TMUB2: variants seen among roughly 807,000 people sequenced by gnomAD.
TMUB2 encodes the protein transmembrane and ubiquitin like domain containing 2.
Under a neutral mutation model 20.2 loss-of-function variants are expected in TMUB2, and 19 were observed. The ratio of observed to expected loss-of-function variants is 0.94; its 90% CI spans 0.66 to 1.38. The LOEUF is 1.38. Among genes scored for constraint, TMUB2 ranks in the 40% most tolerant of loss-of-function variants. The pLI, the probability that TMUB2 is intolerant of heterozygous loss-of-function variation, is 0.00. For synonymous variants in TMUB2, 186 were observed against 166.0 expected, an observed-to-expected ratio of 1.12 and a Z score of -0.92; for missense variants, 426 against 402.5, an observed-to-expected ratio of 1.06 and a Z score of -0.50.
chr17:44,190,876 G>A lies in TMUB2; in HGVS notation c.*12G>A. 6.3e-7 allele frequency: 1 copy of A among 1,590,828 alleles called. No individual in the cohort carries two copies. The highest frequency in any genetic ancestry group is 8.6e-7 in the Non-Finnish European group (1 of 1,167,296). ...TGTATGGACGATAAGGACATAGGAA[G>A]AAAATGAAAGGCATGGTCTTTCTCC... is the stretch of plus-strand genomic sequence containing the variant. On this transcript the variant is annotated 3_prime_UTR_variant, in exon 4 of 4. Coordinates refer to ENST00000538716, the MANE Select transcript of TMUB2 (RefSeq NM_001076674.3).
intron 2 of TMUB2, 39 bp downstream of exon 2, chr17:44,187,782 G>C (rs1268153419): frequency 1.3e-5 from 9 of 718,258 alleles, no homozygotes; most frequent in Non-Finnish European, 2.3e-5. Context: ...TGATGAGAAA[G>C]CTGAGGCTCT....
At chr17:44,187,490 C>G (rs1324695121) in intron 1 of TMUB2, 186 bp from the exon 2 acceptor site, 1 of 593,864 alleles carries the variant, frequency 1.7e-6, no homozygotes, top group Admixed American at 2.8e-5. Context: ...AGGCCGGACA[C>G]CTGGGGTCCT....
Position 44,189,054 on chromosome 17 carries a change from TCTCTGATGTCACC to T in TMUB2, c.72_84del (p.Asp25LeufsTer8). On this transcript the variant is annotated frameshift_variant, in exon 3 of 4. Coordinates refer to ENST00000538716, the MANE Select transcript of TMUB2 (RefSeq NM_001076674.3). LOFTEE classifies it high-confidence loss of function. The stretch of plus-strand genomic sequence containing the variant: ...CCTGCCAGCAGCCAGGCCATGGAGC[TCTCTGATGTCACC>T]CTCATTGAGGGTGTGGGTAATGAGG... 1 of 1,613,884 alleles carries T rather than the reference TCTCTGATGTCACC, an allele frequency of 6.2e-7. No individual in the cohort carries two copies.
intron 2 of TMUB2, 105 bp from the exon 3 acceptor site, chr17:44,188,917 C>T: frequency 1.5e-6 from 2 of 1,293,372 alleles, no homozygotes; most frequent in Non-Finnish European, 1.0e-6. Context: ...CACTGAACTC[C>T]TTTTTTTTTT....
chr17:44,190,436 C>T, intron 3 of TMUB2, 65 bp from the exon 4 acceptor site: 1 of 1,518,458 alleles, frequency 6.6e-7, no homozygotes, highest in Non-Finnish European at 8.8e-7. Context: ...CTTTGTTGGT[C>T]CAGGCCTGTT....
rs1335245953 is a variant in TMUB2, at chr17:44,191,380, A to C, written c.*516A>C. On this transcript the variant is annotated 3_prime_UTR_variant, in exon 4 of 4. Transcript: ENST00000538716. ...TGCCAGCCTTCTCTTATGGGCACCTAGCCGCCTTCACCTTCTTCCTCTACC... is the reference window on the plus strand; with the variant it reads ...TGCCAGCCTTCTCTTATGGGCACCTCGCCGCCTTCACCTTCTTCCTCTACC... The C allele has an allele frequency of 2.0e-6, 2 of 987,602 alleles. No homozygotes were observed. Among genetic ancestry groups the C allele is most frequent in the Non-Finnish European group, 2.4e-6 (2 of 831,052 alleles). 61.2% of individuals were successfully genotyped at this position (987,602 alleles called of 1,614,324 possible). A position where few individuals can be genotyped will look rare whatever the true frequency, so the allele number is the denominator to read the frequency against.
rs369574186 is a variant in TMUB2, at chr17:44,190,501, C to G, written c.603C>G (p.Ser201Arg). Residue 201 changes from serine (S) to arginine (R), a missense_variant and splice_region_variant, in exon 4 of 4, where the codon AGC becomes AGG. Coordinates refer to ENST00000538716, the MANE Select transcript of TMUB2 (RefSeq NM_001076674.3). ...RPEDTVGALK[S>R]KYFPGQESQM... ...TCTTCCATGTCTTTCATCCTTACAG[C>G]AAATACTTCCCTGGACAAGAAAGCC... is the stretch of plus-strand genomic sequence containing the variant. The G allele has an allele frequency of 2.5e-6, 4 of 1,593,524 alleles. No individual in the cohort carries two copies. The highest frequency in any genetic ancestry group is 3.4e-6 in the Non-Finnish European group (4 of 1,167,914).
chr17:44,188,917 CTTT>C (rs370100314), intron 2 of TMUB2, 102 bp from the exon 3 acceptor site: 430 of 1,286,570 alleles, frequency 3.3e-4, no homozygotes, highest in South Asian at 1.5e-3. Flanking sequence ...CACTGAACTC[CTTT>C]TTTTTTTTTT....
At position 44,191,206 on chromosome 17, in the gene TMUB2, C is replaced by T; in HGVS notation, c.*342C>T. 3 of 1,072,340 alleles carry T rather than the reference C, an allele frequency of 2.8e-6. No homozygotes were observed. Among genetic ancestry groups the T allele is most frequent in the Non-Finnish European group, 3.4e-6 (3 of 883,188 alleles). The allele number at this position is 1,072,340 out of a possible 1,614,324, so 66.4% of individuals were successfully genotyped here. A position where few individuals can be genotyped will look rare whatever the true frequency, so the allele number is the denominator to read the frequency against. On this transcript the variant is annotated 3_prime_UTR_variant, in exon 4 of 4. Transcript: ENST00000538716. Reference sequence around the variant, plus strand: ...GGTTCTGACTCTTCCCAGTGTCCTGCATGTCTGCCCCCAGCACCCAGGGCT... The same window carrying T: ...GGTTCTGACTCTTCCCAGTGTCCTGTATGTCTGCCCCCAGCACCCAGGGCT...
chr17:44,191,761 C>G lies in TMUB2; in HGVS notation c.*897C>G. ...CTTTCTGTGACAGAGAATGGCTTTG[C>G]GCTGCCCCCAGGAAAATGGTAATGA... On this transcript the variant is annotated 3_prime_UTR_variant, in exon 4 of 4. Transcript: ENST00000538716. The G allele has an allele frequency of 1.0e-6, 1 of 984,752 alleles. No individual in the cohort carries two copies. Among genetic ancestry groups the G allele is most frequent in the Non-Finnish European group, 1.2e-6 (1 of 829,108 alleles). 61.0% of individuals were successfully genotyped at this position (984,752 alleles called of 1,614,324 possible).
rs1489954584 is a variant in TMUB2 at position 44,189,129 on chromosome 17, C to T, written c.143C>T (p.Ala48Val). The change falls in exon 3 of 4, where the codon GCC (alanine) becomes GTC (valine). Residue 48 changes from alanine to valine, a missense_variant. By Grantham distance (64) the Ala-to-Val change is moderately conservative (BLOSUM62 0). Coordinates refer to ENST00000538716, the MANE Select transcript of TMUB2 (RefSeq NM_001076674.3). Reference protein sequence around the residue: ...VVAGVVVLILALVLAWLSTYV... With the variant: ...VVAGVVVLILVLVLAWLSTYV... ...GCAGGTGTGGTGGTGCTGATTCTAGCCTTGGTCCTAGCTTGGCTCTCTACC... is the reference window on the plus strand; with the variant it reads ...GCAGGTGTGGTGGTGCTGATTCTAGTCTTGGTCCTAGCTTGGCTCTCTACC... 1 of 1,614,038 alleles carries T rather than the reference C, an allele frequency of 6.2e-7. No individual in the cohort carries two copies. The highest frequency in any genetic ancestry group is 8.5e-7 in the Non-Finnish European group (1 of 1,180,002).
intron 2 of TMUB2, 106 bp from the exon 3 acceptor site, chr17:44,188,913 ACTC>A: frequency 3.5e-6 from 5 of 1,437,208 alleles, no homozygotes; most frequent in Non-Finnish European, 4.5e-6. Context: ...ACAACACTGA[ACTC>A]CTTTTTTTTT....
At position 44,189,325 on chromosome 17, in the gene TMUB2, G is replaced by A. The variant is rs879249134; in HGVS notation, c.339G>A (p.Ala113=). The change falls in exon 3 of 4, where the codon GCG becomes GCA. Residue 113 remains alanine, a synonymous_variant. Coordinates refer to ENST00000538716, the MANE Select transcript of TMUB2 (RefSeq NM_001076674.3). ...SEGNDEKAEE[A]GEGRGDSTGE... The stretch of plus-strand genomic sequence containing the variant: ...GTAATGATGAGAAGGCTGAAGAGGC[G>A]GGTGAAGGTCGGGGAGACTCCACTG... 5.0e-6 allele frequency: 8 copies of A among 1,593,644 alleles called. No individual in the cohort carries two copies. The highest frequency in any genetic ancestry group is 2.7e-5 in the African/African-American group (2 of 74,698).
chr17:44,188,784 T>G, intron 2 of TMUB2: 1 of 513,524 alleles, frequency 1.9e-6, no homozygotes, highest in Non-Finnish European at 3.2e-6. Context: ...AGTTGGAGTT[T>G]GAGAGAGGAA....
Position 44,190,583 on chromosome 17 carries a change from T to C in TMUB2, c.685T>C (p.Ser229Pro). 6.2e-7 allele frequency: 1 copy of C among 1,614,204 alleles called. No homozygotes were observed. The highest frequency in any genetic ancestry group is 8.5e-7 in the Non-Finnish European group (1 of 1,180,038). ...ACAAGACCCAGCCCGCACACTGCGT[T>C]CTCTGAACATTACCGACAACTGTGT... ...LLQDPARTLR[S>P]LNITDNCVIH... Residue 229 changes from serine (S) to proline (P), a missense_variant, in exon 4 of 4, where the codon TCT becomes CCT. Physicochemically the swap from Ser to Pro is moderately conservative, Grantham distance 74 (BLOSUM62 -1). Transcript: ENST00000538716.
rs1035673910 is a variant in TMUB2, at chr17:44,191,090, C to T, written c.*226C>T. 1.6e-5 allele frequency: 21 copies of T among 1,317,962 alleles called. No homozygotes were observed. The highest frequency in any genetic ancestry group is 1.3e-4 in the African/African-American group (9 of 67,378). 81.6% of individuals were successfully genotyped at this position (1,317,962 alleles called of 1,614,324 possible). Reference sequence around the variant, plus strand: ...ACTCAGGTAGAAATGAGGATGTCATCTTCCTTCACTTTTAGGGTCCTCTGA... The same window carrying T: ...ACTCAGGTAGAAATGAGGATGTCATTTTCCTTCACTTTTAGGGTCCTCTGA... On this transcript the variant is annotated 3_prime_UTR_variant, in exon 4 of 4. Coordinates refer to ENST00000538716, the MANE Select transcript of TMUB2 (RefSeq NM_001076674.3).
chr17:44,189,836 C>A, intron 3 of TMUB2: 1 of 388,158 alleles, frequency 2.6e-6, no homozygotes, highest in South Asian at 4.9e-5. Context: ...CATGGTGAAA[C>A]CCCATCTCTA....
Position 44,189,050 on chromosome 17 carries a change from G to T in TMUB2, c.64G>T (p.Glu22Ter). 6.2e-7 allele frequency: 1 copy of T among 1,613,914 alleles called. No individual in the cohort carries two copies. The highest frequency in any genetic ancestry group is 8.5e-7 in the Non-Finnish European group (1 of 1,179,936). Residue 22 changes from glutamate to a stop codon, truncating the protein, a stop_gained, in exon 3 of 4, where the codon GAG (glutamate) becomes TAG (stop). Transcript: ENST00000538716. LOFTEE classifies it high-confidence loss of function. Reference sequence around the variant, plus strand: ...GGACCCTGCCAGCAGCCAGGCCATGGAGCTCTCTGATGTCACCCTCATTGA... The same window carrying T: ...GGACCCTGCCAGCAGCCAGGCCATGTAGCTCTCTGATGTCACCCTCATTGA... ...SVDPASSQAM[E>*]LSDVTLIEGV... is the part of the protein sequence containing the mutation.
In TMUB2 at chr17:44,191,290, C is replaced by T. The variant is rs2055539183; in HGVS notation, c.*426C>T. 2 of 996,520 alleles carry T rather than the reference C, an allele frequency of 2.0e-6. No homozygotes were observed. Among genetic ancestry groups the T allele is most frequent in the Non-Finnish European group, 1.2e-6 (1 of 836,450 alleles). 61.7% of individuals were successfully genotyped at this position (996,520 alleles called of 1,614,324 possible). A position where few individuals can be genotyped will look rare whatever the true frequency, so the allele number is the denominator to read the frequency against. Reference sequence around the variant, plus strand: ...AACTCCGTAGGGAGCCTGGAGTATCCTTCCATTTCTCAGCCAAATACTCAT... The same window carrying T: ...AACTCCGTAGGGAGCCTGGAGTATCTTTCCATTTCTCAGCCAAATACTCAT... On this transcript the variant is annotated 3_prime_UTR_variant, in exon 4 of 4. Transcript: ENST00000538716.
Sources: gnomAD v4.1 joint callset for allele counts on GRCh38, gnomAD v4.1.1 for gene constraint, MANE v1.5 for transcripts, NCBI Gene and HGNC (gene_info 2026-07-23, HGNC 2026-07-21) for gene names.